The following HTR7 variants were observed in gnomAD, a reference collection of about 807,000 sequenced individuals.
HTR7 encodes 5-HT-7.
Under a neutral mutation model 34.0 loss-of-function variants are expected in HTR7, and 16 were observed. The observed-to-expected ratio is 0.47, with a 90% CI of 0.32 to 0.71. The LOEUF (loss-of-function observed/expected upper bound fraction) is 0.71, where lower values mean the gene tolerates loss of function less well. Ranked by LOEUF, HTR7 falls within the 30% of genes least tolerant of loss-of-function variation. The probability of loss-of-function intolerance (pLI) is 0.04; values close to 1 mark genes in which losing one functional copy is unlikely to be tolerated. For synonymous variants in HTR7, 265 were observed against 260.2 expected (o/e 1.02, Z -0.18); for missense variants, 504 against 625.5 (o/e 0.81, Z 2.07).
Position 90,857,998 on chromosome 10 carries a change from G to A in HTR7, c.-327C>T, listed in dbSNP as rs1846626921. 6.6e-6 allele frequency among the ~76,000 whole-genome samples: 1 copy of A among 150,420 alleles called. No homozygotes were observed. Among genetic ancestry groups the A allele is most frequent in the South Asian group, 2.1e-4 (1 of 4,814 alleles). On this transcript the variant is annotated 5_prime_UTR_variant, in exon 1 of 4. Coordinates refer to ENST00000336152, the MANE Select transcript of HTR7 (RefSeq NM_019859.4). This position sits in a 1 kb window ranked among gnomAD's most constrained non-coding sequence, Gnocchi z 6.5. Reference sequence around the variant, plus strand: ...CAGTTCGCAGCAGCAGCTCGGCTGCGCCGAGAGCGCCCGGGCGGCAGCGGC... The same window carrying A: ...CAGTTCGCAGCAGCAGCTCGGCTGCACCGAGAGCGCCCGGGCGGCAGCGGC...
chr10:90,836,832 C>T (rs1846259901), intron 1 of HTR7, among the ~76,000 whole-genome samples: 1 of 152,168 alleles, frequency 6.6e-6, no homozygotes, highest in Non-Finnish European at 1.5e-5. Context: ...TCATTAAATC[C>T]TCACATTAAC....
chr10:90,771,345 C>T (rs1163846595), intron 1 of HTR7, among the ~76,000 whole-genome samples: 1 of 152,368 alleles, frequency 6.6e-6, no homozygotes, highest in South Asian at 2.1e-4. Flanking sequence ...CAGGACCCAC[C>T]AAATGGCGAG....
At chr10:90,849,699 A>G (rs1380117409) in intron 1 of HTR7, among the ~76,000 whole-genome samples, 1 of 152,264 alleles carries the variant, frequency 6.6e-6, no homozygotes, top group Non-Finnish European at 1.5e-5. Flanking sequence ...TTATATTTCT[A>G]TATTAGCATA....
At chr10:90,837,707 T>A (rs1367823928) in intron 1 of HTR7, among the ~76,000 whole-genome samples, 1 of 152,218 alleles carries the variant, frequency 6.6e-6, no homozygotes, top group Admixed American at 6.5e-5. Context: ...CAGACTACAG[T>A]GCGGCACATC....
chr10:90,826,183 A>G (rs896925513), intron 1 of HTR7, among the ~76,000 whole-genome samples: 2 of 152,194 alleles, frequency 1.3e-5, no homozygotes, highest in East Asian at 3.8e-4. Flanking sequence ...ACAGGCCAGG[A>G]AAGAGTGGCA....
At chr10:90,790,449 A>G (rs929444266) in intron 1 of HTR7, among the ~76,000 whole-genome samples, 1 of 152,206 alleles carries the variant, frequency 6.6e-6, no homozygotes, top group Non-Finnish European at 1.5e-5. Flanking sequence ...TTCACATAAA[A>G]TCATACAAGT....
intron 1 of HTR7, among the ~76,000 whole-genome samples, chr10:90,829,151 T>C (rs1449137399): frequency 6.6e-6 from 1 of 152,200 alleles, no homozygotes; most frequent in Non-Finnish European, 1.5e-5. Context: ...AAAACCCATA[T>C]ATCATTTCAG....
chr10:90,828,449 A>G (rs1846113576), intron 1 of HTR7, among the ~76,000 whole-genome samples: 1 of 152,172 alleles, frequency 6.6e-6, no homozygotes, highest in South Asian at 2.1e-4. Flanking sequence ...AACAAACTTG[A>G]CAAACCTTTA....
intron 1 of HTR7, among the ~76,000 whole-genome samples, chr10:90,816,019 G>A (rs1845894014): frequency 6.6e-6 from 1 of 152,156 alleles, no homozygotes; most frequent in Non-Finnish European, 1.5e-5. Flanking sequence ...AAGTGCCCAG[G>A]GTTCCCTAAT....
intron 1 of HTR7, among the ~76,000 whole-genome samples, chr10:90,776,385 T>G (rs1333333086): frequency 2.0e-5 from 3 of 152,220 alleles, no homozygotes; most frequent in African/African-American, 7.2e-5. Flanking sequence ...AGATACACCC[T>G]CATATGTATG....
chr10:90,765,796 ATGT>A, intron 1 of HTR7, among the ~76,000 whole-genome samples: 1 of 152,268 alleles, frequency 6.6e-6, no homozygotes, highest in Middle Eastern at 3.4e-3. Context: ...GTTCAGAACT[ATGT>A]TGTTTAATTT....
chr10:90,804,471 C>G (rs114242967), intron 1 of HTR7, among the ~76,000 whole-genome samples: 1 of 152,130 alleles, frequency 6.6e-6, no homozygotes, highest in African/African-American at 2.4e-5. Context: ...TGGGCTGGTA[C>G]GGGTTCATTC....
intron 1 of HTR7, among the ~76,000 whole-genome samples, chr10:90,830,680 T>C (rs760265793): frequency 6.6e-6 from 1 of 150,828 alleles, no homozygotes; most frequent in African/African-American, 2.4e-5. Context: ...CCCAGGTACT[T>C]GGAGGGCTGA....
chr10:90,815,696 C>CCT (rs1845889238), intron 1 of HTR7, among the ~76,000 whole-genome samples: 1 of 151,956 alleles, frequency 6.6e-6, no homozygotes, highest in South Asian at 2.1e-4. Context: ...AACAAACCTG[C>CCT]ACATCCTGCA....
intron 1 of HTR7, among the ~76,000 whole-genome samples, chr10:90,838,210 GA>G (rs1318130687): frequency 3.9e-5 from 6 of 152,094 alleles, no homozygotes; most frequent in African/African-American, 1.4e-4. Context: ...TAGAACTCTT[GA>G]TTTTTACCAC....
At chr10:90,765,449 TTTG>T (rs2119736009) in intron 1 of HTR7, among the ~76,000 whole-genome samples, 1 of 152,186 alleles carries the variant, frequency 6.6e-6, no homozygotes, top group East Asian at 1.9e-4. Flanking sequence ...TAGTTAATGG[TTTG>T]TTGATTTATC....
chr10:90,786,846 C>A (rs1845387260), intron 1 of HTR7, among the ~76,000 whole-genome samples: 1 of 152,188 alleles, frequency 6.6e-6, no homozygotes, highest in African/African-American at 2.4e-5. Context: ...AGACCAGCCC[C>A]ATGTAAGAGG....
At chr10:90,845,758 A>C (rs1169847005) in intron 1 of HTR7, among the ~76,000 whole-genome samples, 1 of 152,188 alleles carries the variant, frequency 6.6e-6, no homozygotes, top group Non-Finnish European at 1.5e-5. Flanking sequence ...ACTTCCTGGC[A>C]CTGCACATGA....
At chr10:90,850,891 A>T (rs1846487329) in intron 1 of HTR7, among the ~76,000 whole-genome samples, 1 of 152,216 alleles carries the variant, frequency 6.6e-6, no homozygotes, top group South Asian at 2.1e-4. Flanking sequence ...AATATGTGTG[A>T]CAGAGTAAAA....
Sources: gnomAD v4.1 joint callset for allele counts (sites outside exome capture counted in the v4.1 genomes callset) on GRCh38, gnomAD v4.1.1 for gene constraint, Gnocchi (gnomAD v3.1) non-coding constraint, MANE v1.5 for transcripts, NCBI Gene and HGNC (gene_info 2026-07-23, HGNC 2026-07-21) for gene names.